Variants in SDK1 observed in about 807,000 individuals in gnomAD.
SDK1 encodes the protein sidekick cell adhesion molecule 1.
In SDK1, 157 loss-of-function variants were observed where a neutral mutation model predicts 245.5. The observed-to-expected ratio is 0.64, with a 90% CI of 0.56 to 0.73. SDK1 has a LOEUF of 0.73. Ranked by LOEUF, SDK1 falls within the 30% of genes least tolerant of loss-of-function variation. SDK1 has a pLI of 0.00. For synonymous variants in SDK1, 1,647 were observed against 1,278.5 expected (o/e 1.29, Z -6.15); for missense variants, 3,583 against 3,002.3 (o/e 1.19, Z -4.52).
intron 1 of SDK1, among the ~76,000 whole-genome samples, chr7:3,594,064 CA>C (rs904375348): frequency 1.3e-5 from 2 of 152,094 alleles, no homozygotes; most frequent in Non-Finnish European, 2.9e-5. Flanking sequence ...AGAACATCCC[CA>C]AAAGAAACCA....
chr7:3,352,034 C>T (rs993379911), intron 1 of SDK1, among the ~76,000 whole-genome samples: 15 of 151,264 alleles, frequency 9.9e-5, no homozygotes, highest in South Asian at 2.1e-4. Context: ...ATTTTTCTTA[C>T]GGAATTATAG....
intron 4 of SDK1, among the ~76,000 whole-genome samples, chr7:3,719,269 A>G (rs1583338655): frequency 6.7e-6 from 1 of 148,640 alleles, no homozygotes; most frequent in East Asian, 2.0e-4. Context: ...TTTTAAATAT[A>G]GGTACTAGAC....
At chr7:4,021,297 TG>T (rs1256660316) in intron 17 of SDK1, among the ~76,000 whole-genome samples, 1 of 152,098 alleles carries the variant, frequency 6.6e-6, no homozygotes, top group African/African-American at 2.4e-5. Context: ...GTACTGGGCG[TG>T]CTTTGAAGAG....
intron 1 of SDK1, among the ~76,000 whole-genome samples, chr7:3,389,464 C>G (rs1296806839): frequency 6.6e-6 from 1 of 152,174 alleles, no homozygotes; most frequent in African/African-American, 2.4e-5. Context: ...GAGCCAAGGA[C>G]AAGGGAGTGT....
intron 8 of SDK1, among the ~76,000 whole-genome samples, 171 bp from the exon 9 acceptor site, chr7:3,962,486 G>A (rs1040596190): frequency 3.3e-5 from 5 of 152,188 alleles, no homozygotes; most frequent in Non-Finnish European, 7.3e-5. Context: ...CCTCCGTGTC[G>A]ATGGCTTCAT....
chr7:3,366,518 T>G (rs1261658870), intron 1 of SDK1, among the ~76,000 whole-genome samples: 2 of 152,186 alleles, frequency 1.3e-5, no homozygotes, highest in Non-Finnish European at 2.9e-5. Context: ...TTTTGTACTT[T>G]CATCAACAGT....
intron 1 of SDK1, among the ~76,000 whole-genome samples, chr7:3,514,260 G>C (rs545660231): frequency 8.5e-5 from 13 of 152,242 alleles, no homozygotes; most frequent in Admixed American, 6.5e-4. Context: ...TTTAGAAGTA[G>C]ACTATGTTGT....
chr7:4,242,605 C>T (rs797000674), intron 43 of SDK1, among the ~76,000 whole-genome samples: 94 of 152,224 alleles, frequency 6.2e-4, no homozygotes, highest in African/African-American at 2.1e-3. Flanking sequence ...ACCCAAACAC[C>T]TGAGGACGCT....
At chr7:3,518,947 A>G (rs776799275) in intron 1 of SDK1, among the ~76,000 whole-genome samples, 4 of 149,546 alleles carry the variant, frequency 2.7e-5, no homozygotes, top group Non-Finnish European at 5.9e-5. Flanking sequence ...TATGCAATGG[A>G]ATACGCTATT....
At chr7:3,495,779 A>G (rs1335862734) in intron 1 of SDK1, among the ~76,000 whole-genome samples, 2 of 152,196 alleles carry the variant, frequency 1.3e-5, no homozygotes, top group Non-Finnish European at 2.9e-5. Flanking sequence ...TCGTGGACCC[A>G]GTTCTACCAC....
At position 4,267,123 on chromosome 7, in the gene SDK1, C is replaced by A. The variant is rs1029876037; in HGVS notation, c.*1739C>A. The A allele has an allele frequency of 2.0e-6, 2 of 985,342 alleles. No individual in the cohort carries two copies. Among genetic ancestry groups the A allele is most frequent in the South Asian group, 4.7e-5 (1 of 21,288 alleles). 61.0% of individuals were successfully genotyped at this position (985,342 alleles called of 1,614,324 possible). ...AGAGTTTTGTATAGGCTGGAAAACC[C>A]CTTTTCAGTCTTTCCAAAATTAGAG... On this transcript the variant is annotated 3_prime_UTR_variant, in exon 45 of 45. Transcript: ENST00000404826.
chr7:3,883,154 A>T (rs1781247920), intron 5 of SDK1, among the ~76,000 whole-genome samples: 1 of 152,106 alleles, frequency 6.6e-6, no homozygotes, highest in Non-Finnish European at 1.5e-5. Flanking sequence ...GAAGCAGGAG[A>T]TTCACGGGGT....
intron 12 of SDK1, among the ~76,000 whole-genome samples, chr7:3,971,896 A>G (rs10244444): frequency 0.06 from 9,071 of 152,108 alleles, 886 homozygotes; most frequent in African/African-American, 0.2. Flanking sequence ...AGGGGGATCG[A>G]CTAGGATTCA....
intron 4 of SDK1, among the ~76,000 whole-genome samples, chr7:3,734,582 G>C (rs1779268684): frequency 6.6e-6 from 1 of 152,214 alleles, no homozygotes; most frequent in East Asian, 1.9e-4. Context: ...TCTAAGATTA[G>C]TTACCATCTG....
At chr7:4,176,755 T>C (rs1782238831) in intron 34 of SDK1, among the ~76,000 whole-genome samples, 1 of 152,234 alleles carries the variant, frequency 6.6e-6, no homozygotes, top group Admixed American at 6.5e-5. Context: ...TTTTTGTGGC[T>C]GGCTTGTTTC....
chr7:3,478,409 C>A (rs1781411403), intron 1 of SDK1, among the ~76,000 whole-genome samples: 1 of 151,784 alleles, frequency 6.6e-6, no homozygotes, highest in African/African-American at 2.4e-5. Flanking sequence ...TCTTATTTTT[C>A]AATTTGGGGA....
chr7:4,161,537 C>G (rs74871324), intron 31 of SDK1, among the ~76,000 whole-genome samples: 1 of 152,168 alleles, frequency 6.6e-6, no homozygotes. Context: ...GGAATGTCCA[C>G]CACAGGGAGA....
At chr7:4,109,593 A>C (rs112293073) in intron 22 of SDK1, among the ~76,000 whole-genome samples, 4 of 152,196 alleles carry the variant, frequency 2.6e-5, no homozygotes, top group Non-Finnish European at 5.9e-5. Context: ...CCCCAGAGCC[A>C]CACGGCCACA....
rs10258929 is a variant in SDK1 at position 3,789,287 on chromosome 7, C to A, written c.714-32163C>A. Among the ~76,000 whole-genome samples, 851 of 152,090 alleles carry A rather than the reference C, an allele frequency of 5.6e-3. 8 individuals are homozygous for A. Among genetic ancestry groups the A allele is most frequent in the African/African-American group, 0.02 (818 of 41,526 alleles). On this transcript the variant is annotated intron_variant, in intron 4 of 44. Transcript: ENST00000404826. ...CTCAGCCTCCCAAGTAGCTGGGATT[C>A]CAGGCATGCGCCACCACGCCCGGCT...
Sources: allele counts gnomAD v4.1 joint callset (sites outside exome capture counted in the v4.1 genomes callset), GRCh38; gene constraint gnomAD v4.1.1; transcripts MANE v1.5; gene names NCBI Gene and HGNC (gene_info 2026-07-23, HGNC 2026-07-21).